Variants in KMT2C observed in about 807,000 individuals in gnomAD.
KMT2C encodes histone-lysine N-methyltransferase 2C.
A neutral mutation model predicts 507.9 loss-of-function variants in KMT2C; 88 were observed. That is an observed-to-expected ratio of 0.17 (90% CI 0.15 to 0.21). KMT2C has a LOEUF of 0.21. KMT2C is among the 10% of genes least tolerant of loss of function. The pLI is 1.00. For missense variants in KMT2C, 4,954 were observed against 5,957.8 expected (o/e 0.83, Z 5.55); for synonymous variants, 2,049 against 2,080.8 (o/e 0.98, Z 0.42).
chr7:152,427,600 G>A (rs562787987), intron 1 of KMT2C, among the ~76,000 whole-genome samples: 2 of 152,242 alleles, frequency 1.3e-5, no homozygotes, highest in South Asian at 4.1e-4. Context: ...GCTGCCATGA[G>A]CATCTTGTAT....
In KMT2C at chr7:152,154,445, C is replaced by A. The variant is rs2129098863; in HGVS notation, c.11961G>T (p.Arg3987Ser). The part of the protein sequence containing the change: ...TPPHNNQEEL[R>S]IQDHCGDRDT... ...CTCGATCACCACAGTGATCCTGTAT[C>A]CTGAAAAAACATAAACACACACATC... The change falls in exon 47 of 59, where the codon AGG becomes AGT. Residue 3987 changes from arginine (R) to serine (S), a missense_variant and splice_region_variant. By Grantham distance (110) the Arg-to-Ser change is moderately radical (BLOSUM62 -1). This residue lies in a region of KMT2C where 104 missense variants were observed against 134.3 expected (regional missense o/e 0.77). Transcript: ENST00000262189. 6.2e-7 allele frequency: 1 copy of A among 1,611,864 alleles called. No individual in the cohort carries two copies. Among genetic ancestry groups the A allele is most frequent in the South Asian group, 1.1e-5 (1 of 91,048 alleles).
intron 1 of KMT2C, among the ~76,000 whole-genome samples, chr7:152,383,990 A>C (rs2097397843): frequency 6.6e-6 from 1 of 151,998 alleles, no homozygotes; most frequent in African/African-American, 2.4e-5. Flanking sequence ...AATTCTGAAA[A>C]AAAAAACAAG....
At chr7:152,225,891 C>A (rs867339221) in intron 18 of KMT2C, among the ~76,000 whole-genome samples, 1 of 152,154 alleles carries the variant, frequency 6.6e-6, no homozygotes, top group Non-Finnish European at 1.5e-5. Flanking sequence ...TTATAAAAAA[C>A]TCCATGAAAG....
At chr7:152,371,169 A>G (rs1236901664) in intron 1 of KMT2C, among the ~76,000 whole-genome samples, 1 of 152,244 alleles carries the variant, frequency 6.6e-6, no homozygotes. Flanking sequence ...AAAGAGACAA[A>G]AGTATTAAAT....
At chr7:152,156,153 C>T in intron 45 of KMT2C, 52 bp downstream of exon 45, 3 of 1,603,498 alleles carry the variant, frequency 1.9e-6, no homozygotes, top group Non-Finnish European at 2.6e-6. Context: ...CAATACACAA[C>T]TGGCAGAGGC....
At chr7:152,411,029 A>G (rs2097677356) in intron 1 of KMT2C, among the ~76,000 whole-genome samples, 1 of 151,402 alleles carries the variant, frequency 6.6e-6, no homozygotes, top group Non-Finnish European at 1.5e-5. Flanking sequence ...TGGTGTGTGT[A>G]TATATGTATA....
intron 1 of KMT2C, chr7:152,368,185 C>T: frequency 4.4e-6 from 4 of 900,578 alleles, no homozygotes; most frequent in Non-Finnish European, 5.7e-6. Context: ...AAATGGTGAA[C>T]ATTGTGATTT....
intron 1 of KMT2C, among the ~76,000 whole-genome samples, chr7:152,384,059 T>G (rs1308121532): frequency 6.6e-6 from 1 of 151,498 alleles, no homozygotes; most frequent in Non-Finnish European, 1.5e-5. Context: ...TGTGTGTGCG[T>G]GTGTGTAGGC....
Position 152,199,358 on chromosome 7 carries a change from G to A in KMT2C, c.4194C>T (p.Asn1398=), listed in dbSNP as rs781376596. 1.2e-6 allele frequency: 2 copies of A among 1,606,078 alleles called. No individual in the cohort carries two copies. The highest frequency in any genetic ancestry group is 4.5e-5 in the East Asian group (2 of 44,356). ...AAGGATCCAAGAAACCTGTGTTCAT[G>A]TTTGTTTTATATAAAAGCTGAGCTC... ...EDGAQLLYKT[N]MNTGFLDPSL... The change falls in exon 27 of 59, where the codon AAC becomes AAT. Residue 1398 remains asparagine (N), a synonymous_variant. Coordinates refer to ENST00000262189, the MANE Select transcript of KMT2C (RefSeq NM_170606.3).
chr7:152,187,229 T>C (rs768211757), intron 33 of KMT2C, 33 bp downstream of exon 33: 45 of 1,570,550 alleles, frequency 2.9e-5, no homozygotes, highest in Non-Finnish European at 3.6e-5. Flanking sequence ...GTGAAAATGT[T>C]GGTAAAACAG....
intron 23 of KMT2C, among the ~76,000 whole-genome samples, chr7:152,214,406 T>C (rs1269815476): frequency 1.3e-5 from 2 of 151,454 alleles, no homozygotes; most frequent in Non-Finnish European, 3.0e-5. Context: ...TATTAAGTCC[T>C]CCCTTAATGT....
At chr7:152,259,436 ACACACACG>A (rs2095718699) in intron 9 of KMT2C, among the ~76,000 whole-genome samples, 3 of 117,252 alleles carry the variant, frequency 2.6e-5, no homozygotes, top group Admixed American at 1.7e-4. Flanking sequence ...AAACACAGAC[ACACACACG>A]CGCACACACA....
intron 37 of KMT2C, among the ~76,000 whole-genome samples, chr7:152,179,568 G>A (rs941145725): frequency 4.7e-5 from 7 of 148,266 alleles, no homozygotes; most frequent in Non-Finnish European, 1.0e-4. Context: ...TCAAAGGGGA[G>A]AAAGAAGTAG....
In KMT2C at chr7:152,435,933, G is replaced by C. The variant is rs1377484084; in HGVS notation, c.-147C>G. 8.5e-6 allele frequency: 7 copies of C among 818,866 alleles called. No individual in the cohort carries two copies. Among genetic ancestry groups the C allele is most frequent in the Non-Finnish European group, 1.2e-5 (7 of 570,232 alleles). 50.7% of individuals were successfully genotyped at this position (818,866 alleles called of 1,614,324 possible). On this transcript the variant is annotated 5_prime_UTR_variant, in exon 1 of 59. Coordinates refer to ENST00000262189, the MANE Select transcript of KMT2C (RefSeq NM_170606.3). The stretch of plus-strand genomic sequence containing the variant: ...CCCGCAGCCCCGGGAGCAGCAGCAG[G>C]TACCGGGAGAGGCGGCAACATGGAG...
intron 26 of KMT2C, among the ~76,000 whole-genome samples, chr7:152,201,281 C>T (rs892132075): frequency 7.0e-6 from 1 of 142,426 alleles, no homozygotes; most frequent in East Asian, 2.1e-4. Flanking sequence ...TCATGTCACA[C>T]ATACAGACAC....
At chr7:152,203,237 A>G (rs1366874646) in intron 25 of KMT2C, among the ~76,000 whole-genome samples, 173 bp from the exon 26 acceptor site, 2 of 152,112 alleles carry the variant, frequency 1.3e-5, no homozygotes, top group Non-Finnish European at 2.9e-5. Flanking sequence ...TAAAATTTTG[A>G]TTTCATGTCT....
chr7:152,266,423 T>C (rs959431737), intron 7 of KMT2C, among the ~76,000 whole-genome samples: 2 of 152,096 alleles, frequency 1.3e-5, no homozygotes, highest in Admixed American at 6.5e-5. Context: ...TTTTATATTT[T>C]CAGTAGAGAC....
chr7:152,304,134 A>G (rs1312698573), intron 6 of KMT2C, among the ~76,000 whole-genome samples: 2 of 152,208 alleles, frequency 1.3e-5, no homozygotes, highest in African/African-American at 4.8e-5. Context: ...GCTTTATAGT[A>G]TCTCATTCCC....
At chr7:152,137,496 C>G (rs566751077) in intron 58 of KMT2C, 1 of 152,702 alleles carries the variant, frequency 6.5e-6, no homozygotes, top group South Asian at 2.1e-4. Context: ...CCCACCACCC[C>G]AGAGAGAGCC....
Sources: gnomAD v4.1 joint callset for allele counts (sites outside exome capture counted in the v4.1 genomes callset) on GRCh38, gnomAD v4.1.1 for gene constraint, gnomAD v4.1.1 regional missense constraint, MANE v1.5 for transcripts, NCBI Gene and HGNC (gene_info 2026-07-23, HGNC 2026-07-21) for gene names.